ETF1: variants seen among roughly 807,000 people sequenced by gnomAD.
ETF1 encodes eukaryotic peptide chain release factor subunit 1.
In ETF1, 4 loss-of-function variants were observed where a neutral mutation model predicts 55.1. The ratio of observed to expected loss-of-function variants is 0.07; its 90% CI spans 0.04 to 0.17. The LOEUF is 0.17. Among genes scored for constraint, ETF1 ranks in the 10% least tolerant of loss-of-function variants. The pLI is 1.00. For synonymous variants in ETF1, 157 were observed against 182.3 expected (o/e 0.86, Z 1.12); for missense variants, 142 against 523.6 (o/e 0.27, Z 7.11).
chr5:138,517,543 C>T lies in ETF1; in HGVS notation c.402+18G>A. On this transcript the variant is annotated intron_variant, in intron 4 of 10. Coordinates refer to ENST00000360541, the MANE Select transcript of ETF1 (RefSeq NM_004730.4). ...AGAATTCTGGAGCGATGAAAATGTT[C>T]TGGGTTTGACTTCTTACCTCTGTAT... 2.0e-6 allele frequency: 3 copies of T among 1,516,830 alleles called. No individual in the cohort carries two copies. The highest frequency in any genetic ancestry group is 1.8e-6 in the Non-Finnish European group (2 of 1,109,560). 94.0% of individuals were successfully genotyped at this position (1,516,830 alleles called of 1,614,324 possible).
chr5:138,531,264 TTTG>T (rs1370231436), intron 2 of ETF1, among the ~76,000 whole-genome samples: 2 of 152,180 alleles, frequency 1.3e-5, no homozygotes, highest in Admixed American at 1.3e-4. Flanking sequence ...CCATCTCTCT[TTTG>T]TTCTCTTGCC....
intron 5 of ETF1, chr5:138,513,266 C>CT (rs1403880027): frequency 1.0e-6 from 1 of 955,846 alleles, no homozygotes; most frequent in Non-Finnish European, 1.2e-6. Context: ...GAGTCTCACT[C>CT]TGTCGCCCAG....
At chr5:138,516,657 C>T (rs955697313) in intron 4 of ETF1, among the ~76,000 whole-genome samples, 1 of 152,146 alleles carries the variant, frequency 6.6e-6, no homozygotes, top group Non-Finnish European at 1.5e-5. Flanking sequence ...TGCTGAATGA[C>T]TAGTGTCATA....
At chr5:138,509,120 A>G in intron 9 of ETF1, 1 of 985,150 alleles carries the variant, frequency 1.0e-6, no homozygotes, top group Non-Finnish European at 1.2e-6. Flanking sequence ...AGGCTGTTGT[A>G]GTGTCTCTAA....
chr5:138,514,906 G>A (rs796753640), intron 4 of ETF1, among the ~76,000 whole-genome samples: 8 of 152,230 alleles, frequency 5.3e-5, no homozygotes, highest in African/African-American at 1.9e-4. Flanking sequence ...CTAATTGCCA[G>A]GGGACAATCT....
intron 2 of ETF1, among the ~76,000 whole-genome samples, chr5:138,520,315 C>G (rs1029468606): frequency 1.3e-5 from 2 of 151,840 alleles, no homozygotes; most frequent in Non-Finnish European, 2.9e-5. Flanking sequence ...ATGAACACCT[C>G]CATACACATA....
rs376726976 is a variant in ETF1, at chr5:138,521,835, G to A, written c.87-2968C>T. Among the ~76,000 whole-genome samples the A allele has an allele frequency of 1.5e-4, 23 of 152,260 alleles. No homozygotes were observed. In the East Asian group the frequency reaches 4.4e-3, roughly 29 times the overall value. ...GTGAGCCACCGCGCCCAGCCTGTAA[G>A]TTAAAATTTTTTAGAGCATGCACTT... On this transcript the variant is annotated intron_variant, in intron 2 of 10. Transcript: ENST00000360541.
At chr5:138,530,163 T>C (rs529602563) in intron 2 of ETF1, among the ~76,000 whole-genome samples, 17 of 152,024 alleles carry the variant, frequency 1.1e-4, no homozygotes, top group East Asian at 3.9e-4. Flanking sequence ...AATAAAAGAA[T>C]ACATGCTCAG....
rs1227504028 is a variant in ETF1, at chr5:138,506,142, ACAC to A, written c.*2160_*2162del. 1 of 152,618 alleles carries A rather than the reference ACAC, an allele frequency of 6.6e-6. No homozygotes were observed. Among genetic ancestry groups the A allele is most frequent in the Admixed American group, 6.5e-5 (1 of 15,282 alleles). 9.5% of individuals were successfully genotyped at this position (152,618 alleles called of 1,614,324 possible). ...CTCTTCTCCATTTCTGTACATCACAACACCAAGATTTTGCTGCTTAGTATCTCT... is the reference window on the plus strand; with the variant it reads ...CTCTTCTCCATTTCTGTACATCACAACAAGATTTTGCTGCTTAGTATCTCT... On this transcript the variant is annotated 3_prime_UTR_variant, in exon 11 of 11. Coordinates refer to ENST00000360541, the MANE Select transcript of ETF1 (RefSeq NM_004730.4).
intron 2 of ETF1, chr5:138,541,699 G>T (rs1262508605): frequency 1.5e-6 from 2 of 1,315,060 alleles, no homozygotes; most frequent in South Asian, 1.5e-5. Context: ...CCTGAGGCAG[G>T]CCATTCTACT....
intron 2 of ETF1, among the ~76,000 whole-genome samples, chr5:138,524,549 T>C (rs1326464954): frequency 1.3e-5 from 2 of 148,412 alleles, no homozygotes; most frequent in East Asian, 2.0e-4. Flanking sequence ...TGAAACTGTG[T>C]CTCTTAAAAA....
chr5:138,510,357 C>CAAAAAAAAAAAAAAAAAAAAAAAAAAAAA (rs57906231), intron 9 of ETF1, among the ~76,000 whole-genome samples: 1 of 64,804 alleles, frequency 1.5e-5, no homozygotes, highest in Non-Finnish European at 2.8e-5. Context: ...GACCTTGTCT[C>CAAAAAAAAAAAAAAAAAAAAAAAAAAAAA]AAAAAAAAAA....
intron 2 of ETF1, among the ~76,000 whole-genome samples, chr5:138,539,759 A>G (rs752012197): frequency 1.2e-4 from 19 of 152,354 alleles, no homozygotes; most frequent in Middle Eastern, 3.4e-3. Flanking sequence ...CGTGTAACAT[A>G]AAATAGAATC....
intron 8 of ETF1, 53 bp downstream of exon 8, chr5:138,510,992 C>T: frequency 5.7e-6 from 9 of 1,588,496 alleles, no homozygotes; most frequent in Non-Finnish European, 7.7e-6. Flanking sequence ...AATCTCCACC[C>T]CAGGCTTCCT....
At position 138,507,628 on chromosome 5, in the gene ETF1, G is replaced by C. The variant is rs184834461; in HGVS notation, c.*677C>G. The C allele has an allele frequency of 6.5e-6, 1 of 152,858 alleles. No homozygotes were observed. Among genetic ancestry groups the C allele is most frequent in the African/African-American group, 2.4e-5 (1 of 41,564 alleles). The allele number at this position is 152,858 out of a possible 1,614,324, so 9.5% of individuals were successfully genotyped here. ...AACAGATGGAAGTAAACAGTGCACT[G>C]GCCCAAATGCTTCATGAGTCAGTTT... On this transcript the variant is annotated 3_prime_UTR_variant, in exon 11 of 11. Coordinates refer to ENST00000360541, the MANE Select transcript of ETF1 (RefSeq NM_004730.4).
At chr5:138,539,408 C>T (rs960093909) in intron 2 of ETF1, among the ~76,000 whole-genome samples, 1 of 152,192 alleles carries the variant, frequency 6.6e-6, no homozygotes, top group African/African-American at 2.4e-5. Context: ...ATTCAAGATA[C>T]CCTCAACCAC....
intron 2 of ETF1, among the ~76,000 whole-genome samples, chr5:138,538,079 A>G (rs1766017770): frequency 6.7e-6 from 1 of 148,664 alleles, no homozygotes; most frequent in Non-Finnish European, 1.5e-5. Flanking sequence ...TTTAGTAGAC[A>G]GGGTTTCTCC....
In ETF1 at chr5:138,542,815, G is replaced by A; in HGVS notation, c.86+18C>T. 3.7e-6 allele frequency: 6 copies of A among 1,611,426 alleles called. No homozygotes were observed. The highest frequency in any genetic ancestry group is 4.2e-6 in the Non-Finnish European group (5 of 1,179,378). On this transcript the variant is annotated intron_variant, in intron 2 of 10. Coordinates refer to ENST00000360541, the MANE Select transcript of ETF1 (RefSeq NM_004730.4). ...CGGGAACCAAGAGGGCACGGAGGGT[G>A]CCGGACGCGGCGCTCACCCGCGGGC...
In ETF1 at chr5:138,507,991, T is replaced by G. The variant is rs1363322600; in HGVS notation, c.*314A>C. ...TATGTATGAAGGTTAAAAAAATCATTTTTTTTCATAAAATACAAGAGCAAC... is the reference window on the plus strand; with the variant it reads ...TATGTATGAAGGTTAAAAAAATCATGTTTTTTCATAAAATACAAGAGCAAC... On this transcript the variant is annotated 3_prime_UTR_variant, in exon 11 of 11. Coordinates refer to ENST00000360541, the MANE Select transcript of ETF1 (RefSeq NM_004730.4). 1 of 262,756 alleles carries G rather than the reference T, an allele frequency of 3.8e-6. No homozygotes were observed. Among genetic ancestry groups the G allele is most frequent in the Non-Finnish European group, 7.2e-6 (1 of 139,664 alleles). The allele number at this position is 262,756 out of a possible 1,614,324, so 16.3% of individuals were successfully genotyped here. A position where few individuals can be genotyped will look rare whatever the true frequency, so the allele number is the denominator to read the frequency against.
Sources: gnomAD v4.1 joint callset for allele counts (sites outside exome capture counted in the v4.1 genomes callset) on GRCh38, gnomAD v4.1.1 for gene constraint, MANE v1.5 for transcripts, NCBI Gene and HGNC (gene_info 2026-07-23, HGNC 2026-07-21) for gene names.